Variants in ARHGAP24 observed in about 807,000 individuals in gnomAD.
The protein encoded by ARHGAP24 is Rho GTPase activating protein 24.
A neutral mutation model predicts 76.4 loss-of-function variants in ARHGAP24; 50 were observed. The ratio of observed to expected loss-of-function variants is 0.65; its 90% CI spans 0.52 to 0.83. The LOEUF (loss-of-function observed/expected upper bound fraction) is 0.83, where lower values mean the gene tolerates loss of function less well. Among genes scored for constraint, ARHGAP24 ranks in the 40% least tolerant of loss-of-function variants. The pLI is 0.00. For missense variants in ARHGAP24, 930 were observed against 914.2 expected (o/e 1.02, Z -0.22); for synonymous variants, 345 against 323.3 (o/e 1.07, Z -0.72).
chr4:85,778,309 A>C (rs1259298083), intron 3 of ARHGAP24, among the ~76,000 whole-genome samples: 2 of 152,230 alleles, frequency 1.3e-5, no homozygotes, highest in Non-Finnish European at 2.9e-5. Flanking sequence ...TCTCTGAGAC[A>C]GTTCTCACAT....
chr4:85,526,933 A>G (rs976106075), intron 1 of ARHGAP24, among the ~76,000 whole-genome samples: 4 of 152,164 alleles, frequency 2.6e-5, no homozygotes, highest in Non-Finnish European at 5.9e-5. Context: ...TAATCTGTAC[A>G]TTTGTTATGT....
chr4:85,482,083 T>G (rs989924924), intron 1 of ARHGAP24, among the ~76,000 whole-genome samples: 1 of 152,174 alleles, frequency 6.6e-6, no homozygotes, highest in African/African-American at 2.4e-5. Context: ...TTTTCTTATA[T>G]GGAGAAGCTT....
chr4:85,560,978 A>G (rs1726574205), intron 1 of ARHGAP24, among the ~76,000 whole-genome samples: 1 of 152,260 alleles, frequency 6.6e-6, no homozygotes, highest in African/African-American at 2.4e-5. Flanking sequence ...TGACTGAAAC[A>G]CAAAGATGGA....
intron 2 of ARHGAP24, among the ~76,000 whole-genome samples, chr4:85,594,624 T>C (rs1481172100): frequency 6.6e-6 from 1 of 152,038 alleles, no homozygotes; most frequent in Non-Finnish European, 1.5e-5. Context: ...AAAAAGGGAA[T>C]CTTACTTTCT....
rs375935235 is a variant in ARHGAP24, at chr4:85,691,725, G to A, written c.181-30160G>A. On this transcript the variant is annotated intron_variant, in intron 2 of 9. Coordinates refer to ENST00000395184, the MANE Select transcript of ARHGAP24 (RefSeq NM_001025616.3). ...TCCATCCCTTTACTTTGAGCCTGTG[G>A]GTGTCATTACATGTAAGGTGAACCT... Among the ~76,000 whole-genome samples the A allele has an allele frequency of 9.2e-5, 14 of 151,988 alleles. No individual in the cohort carries two copies. The East Asian group carries it at 1.9e-3, about 21-fold the overall frequency.
chr4:85,946,812 G>T (rs1032458655), intron 5 of ARHGAP24, among the ~76,000 whole-genome samples: 2 of 152,104 alleles, frequency 1.3e-5, no homozygotes, highest in Non-Finnish European at 2.9e-5. Context: ...GTGTCTTTTT[G>T]CTAGAATAAT....
chr4:85,522,522 A>C (rs1173083567), intron 1 of ARHGAP24, among the ~76,000 whole-genome samples: 3 of 152,274 alleles, frequency 2.0e-5, no homozygotes, highest in East Asian at 3.9e-4. Context: ...GTTATTGCTA[A>C]TTTTACTTTC....
At chr4:85,797,212 G>T (rs1300097838) in intron 3 of ARHGAP24, among the ~76,000 whole-genome samples, 1 of 150,314 alleles carries the variant, frequency 6.7e-6, no homozygotes, top group Non-Finnish European at 1.5e-5. Context: ...TTGCTCTGTT[G>T]CCCAGGCTGG....
At chr4:85,502,628 G>A (rs1424713198) in intron 1 of ARHGAP24, among the ~76,000 whole-genome samples, 2 of 152,090 alleles carry the variant, frequency 1.3e-5, no homozygotes, top group African/African-American at 4.8e-5. Context: ...GGCTCAGAAG[G>A]TGGGGTTTTC....
intron 2 of ARHGAP24, among the ~76,000 whole-genome samples, chr4:85,719,436 G>A (rs929397640): frequency 1.3e-5 from 2 of 152,158 alleles, no homozygotes; most frequent in African/African-American, 4.8e-5. Context: ...AGAGCGCTAT[G>A]CTTTATCAGT....
chr4:85,619,503 A>G (rs1720646743), intron 2 of ARHGAP24, among the ~76,000 whole-genome samples: 1 of 151,956 alleles, frequency 6.6e-6, no homozygotes, highest in Non-Finnish European at 1.5e-5. Context: ...CTGTAAAAAA[A>G]AAAAGTCATT....
At chr4:85,666,596 C>T (rs968124251) in intron 2 of ARHGAP24, among the ~76,000 whole-genome samples, 5 of 152,138 alleles carry the variant, frequency 3.3e-5, no homozygotes, top group Non-Finnish European at 7.4e-5. Flanking sequence ...TCCAGTTTTT[C>T]TGCTCAGTTT....
intron 2 of ARHGAP24, among the ~76,000 whole-genome samples, chr4:85,688,897 AT>A (rs1215229868): frequency 6.6e-6 from 1 of 152,134 alleles, no homozygotes; most frequent in African/African-American, 2.4e-5. Context: ...ATGCTGTTCC[AT>A]TGGTCTGTGT....
At chr4:85,678,879 G>A (rs1723096364) in intron 2 of ARHGAP24, among the ~76,000 whole-genome samples, 1 of 152,306 alleles carries the variant, frequency 6.6e-6, no homozygotes, top group East Asian at 1.9e-4. Flanking sequence ...CCAGAGAGGT[G>A]TCCGATGCAT....
intron 2 of ARHGAP24, among the ~76,000 whole-genome samples, chr4:85,578,986 G>A (rs566581163): frequency 6.6e-6 from 1 of 152,202 alleles, no homozygotes; most frequent in African/African-American, 2.4e-5. Context: ...TTATTACATG[G>A]AAAGATTTCA....
chr4:85,789,795 A>C (rs1013873636), intron 3 of ARHGAP24, among the ~76,000 whole-genome samples: 2 of 152,202 alleles, frequency 1.3e-5, no homozygotes, highest in Non-Finnish European at 2.9e-5. Flanking sequence ...TCGAGAGACA[A>C]TGCTAAGGAT....
At chr4:85,825,792 G>GTT (rs1729686978) in intron 3 of ARHGAP24, among the ~76,000 whole-genome samples, 3 of 152,298 alleles carry the variant, frequency 2.0e-5, no homozygotes, top group Admixed American at 2.0e-4. Flanking sequence ...TCCTCAAGAA[G>GTT]TTTTCCGGGT....
At chr4:85,898,114 C>A (rs1040468460) in intron 3 of ARHGAP24, among the ~76,000 whole-genome samples, 1 of 149,274 alleles carries the variant, frequency 6.7e-6, no homozygotes, top group Non-Finnish European at 1.5e-5. Context: ...TTTGGAAGGT[C>A]ACTAAATGAA....
chr4:85,992,336 G>T (rs1435021303), intron 8 of ARHGAP24, among the ~76,000 whole-genome samples: 1 of 142,670 alleles, frequency 7.0e-6, no homozygotes, highest in African/African-American at 2.8e-5. Context: ...TGGAATCAAA[G>T]CTTCCCAAGA....
Sources: gnomAD v4.1 joint callset for allele counts (sites outside exome capture counted in the v4.1 genomes callset) on GRCh38, gnomAD v4.1.1 for gene constraint, MANE v1.5 for transcripts, NCBI Gene and HGNC (gene_info 2026-07-23, HGNC 2026-07-21) for gene names.